FAM111B: variants seen among roughly 807,000 people sequenced by gnomAD.
The protein encoded by FAM111B is serine protease FAM111B.
Under a neutral mutation model 2.8 loss-of-function variants are expected in FAM111B, and 1 was observed. The ratio of observed to expected loss-of-function variants is 0.36; its 90% confidence interval spans 0.13 to 1.70. FAM111B has a LOEUF of 1.70. FAM111B is among the 40% of genes most tolerant of loss of function. The pLI, the probability that FAM111B is intolerant of heterozygous loss-of-function variation, is 0.35. For synonymous variants in FAM111B, 297 were observed against 295.6 expected, an observed-to-expected ratio of 1.00 and a Z score of -0.05; for missense variants, 882 against 878.9, an observed-to-expected ratio of 1.00 and a Z score of -0.04.
At chr11:59,109,461 G>A (rs1859722809) in intron 2 of FAM111B, 79 bp from the exon 3 acceptor site, 1 of 503,556 alleles carries the variant, frequency 2.0e-6, no homozygotes, top group Admixed American at 3.4e-5. Context: ...TCAGATATCA[G>A]AGATGAGGTC....
At position 59,109,716 on chromosome 11, in the gene FAM111B, CT is replaced by C; in HGVS notation, c.81+16del. On this transcript the variant is annotated intron_variant, in intron 3 of 3. Transcript: ENST00000343597. Reference sequence around the variant, plus strand: ...ACCTGAAGTTTCAAAGGTATATCTACTTTTTTACAACTCCTCAGAGGAGTGA... The same window carrying C: ...ACCTGAAGTTTCAAAGGTATATCTACTTTTTACAACTCCTCAGAGGAGTGA... 2 of 1,577,624 alleles carry C rather than the reference CT, an allele frequency of 1.3e-6. No homozygotes were observed. Among genetic ancestry groups the C allele is most frequent in the Non-Finnish European group, 8.7e-7 (1 of 1,149,618 alleles).
At chr11:59,112,713 G>A (rs545707865) in intron 3 of FAM111B, among the ~76,000 whole-genome samples, 123 of 152,264 alleles carry the variant, frequency 8.1e-4, no homozygotes, top group African/African-American at 2.8e-3. Context: ...TAATGGCATC[G>A]TTTTGTGGTA....
In FAM111B at chr11:59,125,113, G is replaced by A. The variant is rs193034301; in HGVS notation, c.1016G>A (p.Arg339His). The A allele has an allele frequency of 6.8e-6, 11 of 1,613,722 alleles. No individual in the cohort carries two copies. Among genetic ancestry groups the A allele is most frequent in the African/African-American group, 6.7e-5 (5 of 74,984 alleles). ...DLSHYIKDKT[R>H]QTIPRIRNYY... ...AGCCATTATATTAAAGATAAAACTC[G>A]CCAGACAATTCCCAGGATTAGAAAT... Residue 339 changes from arginine to histidine, a missense_variant, in exon 4 of 4, where the codon CGC becomes CAC. Arg to His is a conservative substitution (Grantham distance 29). Coordinates refer to ENST00000343597, the MANE Select transcript of FAM111B (RefSeq NM_198947.4).
In FAM111B at chr11:59,124,285, A is replaced by G. The variant is rs373557170; in HGVS notation, c.188A>G (p.His63Arg). The G allele has an allele frequency of 1.8e-5, 29 of 1,613,808 alleles. No homozygotes were observed. Among genetic ancestry groups the G allele is most frequent in the South Asian group, 7.7e-5 (7 of 91,082 alleles). The change falls in exon 4 of 4, where the codon CAT becomes CGT. Residue 63 changes from histidine to arginine, a missense_variant. Transcript: ENST00000343597. The part of the protein sequence containing the change: ...TFKLKSEVNK[H>R]ETALEMQNPN... ...AAGCTTAAAAGTGAAGTCAACAAGC[A>G]TGAAACAGCCCTTGAAATGCAGAAT...
chr11:59,125,161 GA>G lies in FAM111B; in HGVS notation c.1068del (p.Lys356AsnfsTer5), dbSNP rs1396021392. 1 of 1,613,750 alleles carries G rather than the reference GA, an allele frequency of 6.2e-7. No homozygotes were observed. Among genetic ancestry groups the G allele is most frequent in the South Asian group, 1.1e-5 (1 of 91,080 alleles). ...IRNYYFCSLP[R>X]KYRQINSQVR... The stretch of plus-strand genomic sequence containing the variant: ...AATTATTACTTTTGTAGTTTGCCCC[GA>G]AAATATAGGCAAATAAACTCACAAG... On this transcript the variant is annotated frameshift_variant, in exon 4 of 4. Transcript: ENST00000343597. LOFTEE classifies it low-confidence loss of function (END_TRUNC).
Position 59,124,456 on chromosome 11 carries a change from G to T in FAM111B, c.359G>T (p.Arg120Met). ...AGTGCTAATGACTATTTCAGTGAAA[G>T]GATAAAGAATCAGTTTAATAAGAAC... is the stretch of plus-strand genomic sequence containing the variant. ...ALSANDYFSE[R>M]IKNQFNKNII... Residue 120 changes from arginine to methionine, a missense_variant, in exon 4 of 4, where the codon AGG (arginine) becomes ATG (methionine). Arg to Met is a moderately conservative substitution (Grantham distance 91, BLOSUM62 -1). Transcript: ENST00000343597. The T allele has an allele frequency of 6.2e-7, 1 of 1,613,474 alleles. No individual in the cohort carries two copies.
chr11:59,109,643 T>A lies in FAM111B; in HGVS notation c.18T>A (p.Thr6=). 6.2e-7 allele frequency: 1 copy of A among 1,610,922 alleles called. No homozygotes were observed. Among genetic ancestry groups the A allele is most frequent in the Non-Finnish European group, 8.5e-7 (1 of 1,178,244 alleles). MNSMK[T]EENKSFSAME... is the part of the protein sequence containing the mutation. Reference sequence around the variant, plus strand: ...AACTCATCATGAATTCCATGAAGACTGAAGAAAACAAGTCATTTAGCGCTA... The same window carrying A: ...AACTCATCATGAATTCCATGAAGACAGAAGAAAACAAGTCATTTAGCGCTA... The change falls in exon 3 of 4, where the codon ACT becomes ACA. Residue 6 remains threonine (T), a synonymous_variant. Coordinates refer to ENST00000343597, the MANE Select transcript of FAM111B (RefSeq NM_198947.4).
Position 59,115,472 on chromosome 11 carries a change from A to G in FAM111B, c.81+5766A>G, listed in dbSNP as rs568262333. On this transcript the variant is annotated intron_variant, in intron 3 of 3. Coordinates refer to ENST00000343597, the MANE Select transcript of FAM111B (RefSeq NM_198947.4). ...ACCAGCCACAAGTTTTTAGTCTCCC[A>G]TGCAATAGAAATTGACACAAGGCCA... Among the ~76,000 whole-genome samples, 2 of 152,318 alleles carry G rather than the reference A, an allele frequency of 1.3e-5. 1 individual carries two copies. The highest frequency in any genetic ancestry group is 3.9e-4 in the East Asian group (2 of 5,184).
rs1390454543 is a variant in FAM111B, at chr11:59,124,717, A to G, written c.620A>G (p.Lys207Arg). The change falls in exon 4 of 4, where the codon AAA (lysine) becomes AGA (arginine). Residue 207 changes from lysine to arginine, a missense_variant. Transcript: ENST00000343597. ...GTTAAGATCAACGAACTTCATGAAA[A>G]AGGAAGTAAACTTTGTATTTATGCC... Reference protein sequence around the residue: ...KIVKINELHEKGSKLCIYALK... With the variant: ...KIVKINELHERGSKLCIYALK... 6.2e-7 allele frequency: 1 copy of G among 1,613,680 alleles called. No homozygotes were observed.
At chr11:59,117,680 G>A (rs1017463026) in intron 3 of FAM111B, among the ~76,000 whole-genome samples, 1 of 152,170 alleles carries the variant, frequency 6.6e-6, no homozygotes, top group Non-Finnish European at 1.5e-5. Flanking sequence ...AGCTGGGACT[G>A]GCACTGAATC....
Position 59,126,135 on chromosome 11 carries a change from C to G in FAM111B, c.2038C>G (p.Leu680Val). Residue 680 changes from leucine to valine, a missense_variant, in exon 4 of 4, where the codon CTT becomes GTT. Leu to Val is a conservative substitution (Grantham distance 32, BLOSUM62 1). Transcript: ENST00000343597. ...FYQRGFNVHA[L>V]IEFGYSMDSI... ...TCAACGAGGATTTAATGTGCATGCC[C>G]TTATTGAATTTGGTTATTCTATGGA... 6.2e-7 allele frequency: 1 copy of G among 1,612,670 alleles called. No individual in the cohort carries two copies. Among genetic ancestry groups the G allele is most frequent in the Non-Finnish European group, 8.5e-7 (1 of 1,179,530 alleles).
In FAM111B at chr11:59,124,715, A is replaced by G; in HGVS notation, c.618A>G (p.Glu206=). The G allele has an allele frequency of 6.2e-7, 1 of 1,613,672 alleles. No individual in the cohort carries two copies. The highest frequency in any genetic ancestry group is 2.2e-5 in the East Asian group (1 of 44,864). Residue 206 remains glutamate, a synonymous_variant, in exon 4 of 4, where the codon GAA becomes GAG. Coordinates refer to ENST00000343597, the MANE Select transcript of FAM111B (RefSeq NM_198947.4). Reference sequence around the variant, plus strand: ...TTGTTAAGATCAACGAACTTCATGAAAAAGGAAGTAAACTTTGTATTTATG... The same window carrying G: ...TTGTTAAGATCAACGAACTTCATGAGAAAGGAAGTAAACTTTGTATTTATG... The part of the protein sequence containing the change: ...KKIVKINELH[E]KGSKLCIYAL...
chr11:59,109,846 A>C (rs1423176815), intron 3 of FAM111B, 140 bp downstream of exon 3: 2 of 474,926 alleles, frequency 4.2e-6, no homozygotes, highest in Non-Finnish European at 7.3e-6. Context: ...TGGGGAGCTC[A>C]TACACATAAG....
chr11:59,118,003 A>G (rs1016336097), intron 3 of FAM111B, among the ~76,000 whole-genome samples: 7 of 152,144 alleles, frequency 4.6e-5, no homozygotes, highest in Non-Finnish European at 8.8e-5. Flanking sequence ...GGATTTAAAT[A>G]CCCTCTAGAG....
At position 59,126,196 on chromosome 11, in the gene FAM111B, G is replaced by C. The variant is rs752034528; in HGVS notation, c.2099G>C (p.Ser700Thr). The change falls in exon 4 of 4, where the codon AGC becomes ACC. Residue 700 changes from serine to threonine, a missense_variant. Ser to Thr is a moderately conservative substitution (Grantham distance 58). Coordinates refer to ENST00000343597, the MANE Select transcript of FAM111B (RefSeq NM_198947.4). ...TGTGATATTAAAAAGACAAATGAGA[G>C]CTTGTATAAATCATTAAATGATGAG... is the stretch of plus-strand genomic sequence containing the variant. ...ILCDIKKTNE[S>T]LYKSLNDEKL... The C allele has an allele frequency of 1.9e-6, 3 of 1,610,022 alleles. No homozygotes were observed. In the African/African-American group the frequency reaches 4.0e-5, roughly 22 times the overall value.
intron 3 of FAM111B, among the ~76,000 whole-genome samples, chr11:59,110,448 T>G (rs1859740921): frequency 6.6e-6 from 1 of 152,138 alleles, no homozygotes. Flanking sequence ...TTATACAAGG[T>G]GAATAAGTTC....
At position 59,115,569 on chromosome 11, in the gene FAM111B, G is replaced by C. The variant is rs75827314; in HGVS notation, c.81+5863G>C. Among the ~76,000 whole-genome samples, 1,087 of 152,370 alleles carry C rather than the reference G, an allele frequency of 7.1e-3. 2 individuals carry two copies. Among genetic ancestry groups the C allele is most frequent in the Non-Finnish European group, 0.012 (783 of 68,036 alleles). On this transcript the variant is annotated intron_variant, in intron 3 of 3. Coordinates refer to ENST00000343597, the MANE Select transcript of FAM111B (RefSeq NM_198947.4). ...CAAGGGAGACAGCACTGGAGTGAGA[G>C]TTCTCCAGATGGCTCCCCAAGGAGA...
At chr11:59,122,187 A>C (rs1054147560) in intron 3 of FAM111B, among the ~76,000 whole-genome samples, 2 of 152,214 alleles carry the variant, frequency 1.3e-5, no homozygotes, top group African/African-American at 4.8e-5. Flanking sequence ...AGTGCAAATC[A>C]CAGAAGAACA....
At chr11:59,115,082 G>A (rs756587320) in intron 3 of FAM111B, among the ~76,000 whole-genome samples, 20 of 152,126 alleles carry the variant, frequency 1.3e-4, no homozygotes, top group Admixed American at 1.0e-3. Context: ...ATCAGTACCT[G>A]TGTCCCTTCC....
Sources: allele counts gnomAD v4.1 joint callset (sites outside exome capture counted in the v4.1 genomes callset), GRCh38; gene constraint gnomAD v4.1.1; transcripts MANE v1.5; gene names NCBI Gene and HGNC (gene_info 2026-07-23, HGNC 2026-07-21).